The following KIF26B variants were observed in gnomAD, a reference collection of about 807,000 sequenced individuals.
The protein encoded by KIF26B is kinesin family member 26B.
Under a neutral mutation model 151.2 loss-of-function variants are expected in KIF26B, and 63 were observed. That is an observed-to-expected ratio of 0.42 (90% CI 0.34 to 0.51). The LOEUF (loss-of-function observed/expected upper bound fraction) is 0.51, where lower values mean the gene tolerates loss of function less well. Among genes scored for constraint, KIF26B ranks in the 20% least tolerant of loss-of-function variants. The probability of loss-of-function intolerance (pLI) is 0.07; values close to 1 mark genes in which losing one functional copy is unlikely to be tolerated. For synonymous variants in KIF26B, 1,357 were observed against 1,262.1 expected, an observed-to-expected ratio of 1.08 and a Z score of -1.59; for missense variants, 2,813 against 2,913.6, an observed-to-expected ratio of 0.97 and a Z score of 0.79.
chr1:245,213,373 G>A (rs908969412), intron 2 of KIF26B, among the ~76,000 whole-genome samples: 1 of 152,174 alleles, frequency 6.6e-6, no homozygotes, highest in Admixed American at 6.5e-5. Flanking sequence ...CCACGCTGAC[G>A]AAGGGTCTGC....
rs1488367587 is a variant in KIF26B, at chr1:245,167,684, C to A, written c.465+11001C>A. Among the ~76,000 whole-genome samples, 2 of 152,134 alleles carry A rather than the reference C, an allele frequency of 1.3e-5. No homozygotes were observed. The highest frequency in any genetic ancestry group is 4.8e-5 in the African/African-American group (2 of 41,422). On this transcript the variant is annotated intron_variant, in intron 2 of 14. Coordinates refer to ENST00000407071, the MANE Select transcript of KIF26B (RefSeq NM_018012.4). The surrounding 1 kb of genome is among the most constrained non-coding windows in gnomAD (Gnocchi z 4.2). ...ATTGTTTAAAAAAAAAAATCACCTG[C>A]CCAGTTCAGTTGTGTAACTTTGCAC...
intron 5 of KIF26B, among the ~76,000 whole-genome samples, chr1:245,569,477 G>A (rs2043043327): frequency 6.6e-6 from 1 of 152,118 alleles, no homozygotes; most frequent in South Asian, 2.1e-4. Flanking sequence ...GGGCATCGTG[G>A]CAGGCACCTG....
chr1:245,309,461 G>C (rs1671622777), intron 2 of KIF26B, among the ~76,000 whole-genome samples: 1 of 151,672 alleles, frequency 6.6e-6, no homozygotes, highest in African/African-American at 2.4e-5. Context: ...GTTCTTCCTG[G>C]GTCTCAAGGC....
At chr1:245,576,994 T>C (rs2043124672) in intron 5 of KIF26B, among the ~76,000 whole-genome samples, 1 of 152,224 alleles carries the variant, frequency 6.6e-6, no homozygotes, top group African/African-American at 2.4e-5. Context: ...TTATATACTT[T>C]GGGAGATTCA....
chr1:245,219,586 T>C (rs1369218703), intron 2 of KIF26B, among the ~76,000 whole-genome samples: 1 of 151,844 alleles, frequency 6.6e-6, no homozygotes, highest in African/African-American at 2.4e-5. Context: ...TACAAAAAAT[T>C]AGCCAGGTGT....
chr1:245,674,744 C>G (rs972435382), intron 10 of KIF26B, among the ~76,000 whole-genome samples: 3 of 152,198 alleles, frequency 2.0e-5, no homozygotes, highest in Non-Finnish European at 2.9e-5. Flanking sequence ...GGCTGAGTTA[C>G]TGCAAAGAAA....
At chr1:245,179,584 C>T (rs1338653919) in intron 2 of KIF26B, among the ~76,000 whole-genome samples, 3 of 152,232 alleles carry the variant, frequency 2.0e-5, no homozygotes, top group Admixed American at 6.5e-5. Context: ...GAGATCACGC[C>T]ACTGCACTCC....
At chr1:245,213,920 A>C (rs73127137) in intron 2 of KIF26B, among the ~76,000 whole-genome samples, 153 of 152,332 alleles carry the variant, frequency 1.0e-3, no homozygotes, top group African/African-American at 3.6e-3. Flanking sequence ...AGACTCCCAC[A>C]GTTCTGTCCA....
chr1:245,698,663 T>C lies in KIF26B; in HGVS notation c.6028-224T>C, dbSNP rs1280485931. ...TCAACTTAAGAATGGCCTGTCATAGTCCAAAAATGGTCTGTCATAGTCCAA... is the reference window on the plus strand; with the variant it reads ...TCAACTTAAGAATGGCCTGTCATAGCCCAAAAATGGTCTGTCATAGTCCAA... On this transcript the variant is annotated intron_variant, in intron 13 of 14. Coordinates refer to ENST00000407071, the MANE Select transcript of KIF26B (RefSeq NM_018012.4). The surrounding 1 kb of genome is among the most constrained non-coding windows in gnomAD (Gnocchi z 4.0). Among the ~76,000 whole-genome samples, 3 of 149,220 alleles carry C rather than the reference T, an allele frequency of 2.0e-5. No homozygotes were observed. Among genetic ancestry groups the C allele is most frequent in the African/African-American group, 7.8e-5 (3 of 38,606 alleles).
At chr1:245,523,780 GA>G (rs1450825142) in intron 4 of KIF26B, among the ~76,000 whole-genome samples, 1 of 152,084 alleles carries the variant, frequency 6.6e-6, no homozygotes, top group Non-Finnish European at 1.5e-5. Context: ...TTTAAAGAGG[GA>G]CATAAACATT....
chr1:245,499,108 T>G (rs1660568228), intron 4 of KIF26B, among the ~76,000 whole-genome samples: 1 of 152,132 alleles, frequency 6.6e-6, no homozygotes, highest in Non-Finnish European at 1.5e-5. Flanking sequence ...ATCTCTTTTA[T>G]TTCAGTGATG....
At chr1:245,322,601 C>T (rs1671911528) in intron 2 of KIF26B, among the ~76,000 whole-genome samples, 1 of 152,054 alleles carries the variant, frequency 6.6e-6, no homozygotes. Flanking sequence ...ACAAATGATG[C>T]ATCTAGTAAC....
intron 12 of KIF26B, among the ~76,000 whole-genome samples, chr1:245,692,337 A>G (rs1538957): frequency 0.59 from 90,411 of 152,032 alleles, 28,986 homozygotes; most frequent in Middle Eastern, 0.74. Flanking sequence ...GTGCATTCCC[A>G]GATGCTGAGT....
intron 4 of KIF26B, among the ~76,000 whole-genome samples, chr1:245,463,141 C>G (rs1659689243): frequency 6.6e-6 from 1 of 152,182 alleles, no homozygotes; most frequent in Non-Finnish European, 1.5e-5. Flanking sequence ...CAGCACTCAC[C>G]ACCCATTTGT....
chr1:245,636,233 A>C (rs1406611668), intron 9 of KIF26B, among the ~76,000 whole-genome samples: 1 of 152,070 alleles, frequency 6.6e-6, no homozygotes, highest in African/African-American at 2.4e-5. Context: ...ATAATTAAAG[A>C]CTTGTCTGTT....
intron 9 of KIF26B, among the ~76,000 whole-genome samples, chr1:245,626,815 T>C (rs1014123043): frequency 6.6e-6 from 1 of 152,238 alleles, no homozygotes; most frequent in African/African-American, 2.4e-5. Flanking sequence ...TGGACCAATG[T>C]CCCAAAGCAT....
rs146683989 is a variant in KIF26B, at chr1:245,690,359, C to T, written c.5824+1552C>T. On this transcript the variant is annotated intron_variant, in intron 12 of 14. Transcript: ENST00000407071. ...CCAGGTCCCTGCAGGGATCCGTGCC[C>T]GCAGCATATGTGGAAGTAAAAGATG... Among the ~76,000 whole-genome samples, 385 of 152,174 alleles carry T rather than the reference C, an allele frequency of 2.5e-3. 2 individuals carry two copies. Among genetic ancestry groups the T allele is most frequent in the African/African-American group, 8.4e-3 (348 of 41,526 alleles).
chr1:245,297,156 A>G (rs1027602207), intron 2 of KIF26B, among the ~76,000 whole-genome samples: 5 of 152,202 alleles, frequency 3.3e-5, no homozygotes, highest in African/African-American at 1.2e-4. Context: ...CAGCCTGGCC[A>G]ACATGGTGAA....
intron 2 of KIF26B, among the ~76,000 whole-genome samples, chr1:245,193,310 G>T (rs73125096): frequency 0.14 from 20,647 of 152,068 alleles, 1,537 homozygotes; most frequent in South Asian, 0.21. Context: ...TTCCATGTTT[G>T]CACTATTGTG....
Sources: allele counts gnomAD v4.1 joint callset (sites outside exome capture counted in the v4.1 genomes callset), GRCh38; gene constraint gnomAD v4.1.1; non-coding constraint Gnocchi (gnomAD v3.1); transcripts MANE v1.5; gene names NCBI Gene and HGNC (gene_info 2026-07-23, HGNC 2026-07-21).